RIMKLB: variants seen among roughly 807,000 people sequenced by gnomAD.
RIMKLB encodes ribosomal modification protein rimK like family member B.
Under a neutral mutation model 32.0 loss-of-function variants are expected in RIMKLB, and 7 were observed. That is an observed-to-expected ratio of 0.22 (90% CI 0.12 to 0.41). RIMKLB has a LOEUF of 0.41. Among genes scored for constraint, RIMKLB ranks in the 10% least tolerant of loss-of-function variants. RIMKLB has a pLI of 1.00. For missense variants in RIMKLB, 289 were observed against 498.7 expected (o/e 0.58, Z 4.00); for synonymous variants, 172 against 185.1 (o/e 0.93, Z 0.57).
chr12:8,746,200 A>G (rs1353601126), intron 2 of RIMKLB, among the ~76,000 whole-genome samples: 2 of 151,552 alleles, frequency 1.3e-5, no homozygotes, highest in African/African-American at 4.9e-5. Flanking sequence ...CCCATTCTCT[A>G]TATCCTTATC....
chr12:8,670,119 C>T, the RIMKLB span, among the ~76,000 whole-genome samples: 2 of 151,790 alleles, frequency 1.3e-5, no homozygotes, highest in East Asian at 3.9e-4. Flanking sequence ...TGGGAATTCA[C>T]CGAAGTTGAG....
chr12:8,674,222 CT>C, the RIMKLB span, among the ~76,000 whole-genome samples: 8,391 of 120,794 alleles, frequency 0.069, 339 homozygotes, highest in East Asian at 0.2. Context: ...TCTCACAATT[CT>C]TTTTTTTTTT....
At chr12:8,711,324 AG>A (rs1944357450) in intron 1 of RIMKLB, among the ~76,000 whole-genome samples, 1 of 151,988 alleles carries the variant, frequency 6.6e-6, no homozygotes, top group Non-Finnish European at 1.5e-5. Flanking sequence ...ACTTAGGCCG[AG>A]GAGTTTGAGG....
intron 2 of RIMKLB, among the ~76,000 whole-genome samples, chr12:8,728,369 GGT>G (rs1946228390): frequency 6.6e-6 from 1 of 152,160 alleles, no homozygotes; most frequent in African/African-American, 2.4e-5. Context: ...ATAGTGGTAA[GGT>G]GTGTGGGGAG....
At chr12:8,777,708 G>A, downstream of RIMKLB, 1 of 1,282,684 alleles carries the variant, frequency 7.8e-7, no homozygotes, top group South Asian at 1.3e-5. Flanking sequence ...CGGGGTCAGT[G>A]CCCTTCTAAA....
At chr12:8,685,706 G>A (rs563651289) in intron 1 of RIMKLB, among the ~76,000 whole-genome samples, 7 of 151,252 alleles carry the variant, frequency 4.6e-5, no homozygotes, top group Non-Finnish European at 8.8e-5. Context: ...GTGCTGTGGC[G>A]AAATCTCGGC....
At chr12:8,682,849 C>T (rs114410350) in intron 1 of RIMKLB, among the ~76,000 whole-genome samples, 1,753 of 146,840 alleles carry the variant, frequency 0.012, 43 homozygotes, top group African/African-American at 0.042. Context: ...GTTGGTCAGG[C>T]TGGTGTCTTA....
downstream of RIMKLB, among the ~76,000 whole-genome samples, chr12:8,778,575 G>A (rs1179975265): frequency 6.6e-6 from 1 of 152,160 alleles, no homozygotes; most frequent in East Asian, 1.9e-4. Flanking sequence ...AAATGTCAGG[G>A]ATAGGACTAC....
At chr12:8,741,766 C>A (rs943889119) in intron 2 of RIMKLB, among the ~76,000 whole-genome samples, 2 of 151,788 alleles carry the variant, frequency 1.3e-5, no homozygotes, top group African/African-American at 4.9e-5. Flanking sequence ...GGCGACAGAG[C>A]AAGACCAAAA....
chr12:8,729,687 G>GA (rs1946366084), intron 2 of RIMKLB, among the ~76,000 whole-genome samples: 2 of 152,242 alleles, frequency 1.3e-5, no homozygotes, highest in Admixed American at 6.5e-5. Flanking sequence ...CTTTTGTCCA[G>GA]AATTTCCCTG....
intron 5 of RIMKLB, among the ~76,000 whole-genome samples, chr12:8,758,863 A>G (rs1949295723): frequency 6.6e-6 from 1 of 152,132 alleles, no homozygotes; most frequent in Non-Finnish European, 1.5e-5. Context: ...AGTCTATTGT[A>G]TCGTGCTTTT....
chr12:8,766,870 C>G (rs774006776), intron 5 of RIMKLB, among the ~76,000 whole-genome samples: 3 of 152,362 alleles, frequency 2.0e-5, no homozygotes, highest in Admixed American at 2.0e-4. Flanking sequence ...AGTAAGCTAA[C>G]TTTTTGCTTT....
chr12:8,674,385 C>T, the RIMKLB span, among the ~76,000 whole-genome samples: 1 of 151,186 alleles, frequency 6.6e-6, no homozygotes, highest in Non-Finnish European at 1.5e-5. Flanking sequence ...ACTACAAGTG[C>T]CCGCCACCAC....
chr12:8,757,740 A>G (rs1949173889), intron 5 of RIMKLB, among the ~76,000 whole-genome samples: 1 of 152,174 alleles, frequency 6.6e-6, no homozygotes, highest in African/African-American at 2.4e-5. Context: ...CGTCAAGAGT[A>G]TTTCTGGGTT....
chr12:8,672,449 C>T, the RIMKLB span, among the ~76,000 whole-genome samples: 1 of 152,182 alleles, frequency 6.6e-6, no homozygotes, highest in Non-Finnish European at 1.5e-5. Flanking sequence ...TACAGTTTCA[C>T]ATGGCTGGGG....
upstream of RIMKLB, among the ~76,000 whole-genome samples, chr12:8,681,360 A>G (rs954821295): frequency 1.3e-5 from 2 of 152,214 alleles, no homozygotes; most frequent in African/African-American, 4.8e-5. Context: ...GTGGTATAAT[A>G]AGAAATACAT....
rs749084390 is a variant in RIMKLB at position 8,732,708 on chromosome 12, T to C, written c.176-17154T>C. Among the ~76,000 whole-genome samples the C allele has an allele frequency of 3.3e-5, 5 of 152,166 alleles. No individual in the cohort carries two copies. In the East Asian group the frequency reaches 9.6e-4, roughly 29 times the overall value. ...TGCCCATCACCTGCCTTCTTGAATA[T>C]TCTTCCGGGGGAAAGCGTTATGCAT... On this transcript the variant is annotated intron_variant, in intron 2 of 5. Transcript: ENST00000535829.
intron 1 of RIMKLB, among the ~76,000 whole-genome samples, chr12:8,710,965 CA>C (rs748394546): frequency 6.2e-3 from 406 of 65,768 alleles, no homozygotes; most frequent in African/African-American, 0.015. Context: ...ACATCTTTAC[CA>C]AAAAAAAAAA....
chr12:8,679,286 G>A (rs1366963594), upstream of RIMKLB: 1 of 152,246 alleles, frequency 6.6e-6, no homozygotes, highest in African/African-American at 2.4e-5. Flanking sequence ...CGGTTCAAGT[G>A]ATTCTCCTGC....
Sources: allele counts gnomAD v4.1 joint callset (sites outside exome capture counted in the v4.1 genomes callset), GRCh38; gene constraint gnomAD v4.1.1; transcripts MANE v1.5; gene names NCBI Gene and HGNC (gene_info 2026-07-23, HGNC 2026-07-21).